Variants in ATP8B3 observed in about 807,000 individuals in gnomAD.
ATP8B3 encodes ATPase phospholipid transporting 8B3.
A neutral mutation model predicts 140.9 loss-of-function variants in ATP8B3; 141 were observed. That is an observed-to-expected ratio of 1.00 (90% CI 0.87 to 1.15). The LOEUF is 1.15. Ranked by LOEUF, ATP8B3 falls within the 50% of genes most tolerant of loss-of-function variation. The pLI, the probability that ATP8B3 is intolerant of heterozygous loss-of-function variation, is 0.00. For missense variants in ATP8B3, 1,874 were observed against 1,740.6 expected, an observed-to-expected ratio of 1.08 and a Z score of -1.36; for synonymous variants, 765 against 714.6, an observed-to-expected ratio of 1.07 and a Z score of -1.13.
At chr19:1,802,714 T>C in intron 10 of ATP8B3, 69 bp from the exon 11 acceptor site, 23 of 1,533,478 alleles carry the variant, frequency 1.5e-5, no homozygotes, top group Non-Finnish European at 2.0e-5. Context: ...CTGCACCGGG[T>C]GCAGGTGAGA....
In ATP8B3 at chr19:1,806,741, G is replaced by A. The variant is rs2069035150; in HGVS notation, c.616-52C>T. The A allele has an allele frequency of 7.8e-6, 12 of 1,536,192 alleles. No individual in the cohort carries two copies. Among genetic ancestry groups the A allele is most frequent in the East Asian group, 4.9e-5 (2 of 40,824 alleles). ...AGACCGTCCAGCCTCTCCTGCCCCC[G>A]CCCAGGCCGCTGCCGCACTGCAGCC... On this transcript the variant is annotated intron_variant, in intron 6 of 28. Transcript: ENST00000310127. This position sits in a 1 kb window ranked among gnomAD's most constrained non-coding sequence, Gnocchi z 5.6.
chr19:1,800,332 C>T lies in ATP8B3; in HGVS notation c.1270G>A (p.Ala424Thr), dbSNP rs115821228. The T allele has an allele frequency of 1.6e-4, 265 of 1,612,894 alleles. No individual in the cohort carries two copies. The highest frequency in any genetic ancestry group is 8.5e-4 in the Admixed American group (51 of 59,996). The change falls in exon 13 of 29, where the codon GCA becomes ACA. Residue 424 changes from alanine (A) to threonine (T), a missense_variant. Physicochemically the swap from Ala to Thr is moderately conservative, Grantham distance 58. Transcript: ENST00000310127. This position sits in a 1 kb window ranked among gnomAD's most constrained non-coding sequence, Gnocchi z 4.4. ...LSGVHGSSVAAESFFVFWSFL... is the reference protein window; with the variant it reads ...LSGVHGSSVATESFFVFWSFL... ...CTCCAGAAGACGAAGAAGGACTCTGCGGCCACGCTGCTCCCATGCACCCCC... is the reference window on the plus strand; with the variant it reads ...CTCCAGAAGACGAAGAAGGACTCTGTGGCCACGCTGCTCCCATGCACCCCC...
rs1285010733 is a variant in ATP8B3, at chr19:1,809,762, G to A, written c.311-28C>T. The A allele has an allele frequency of 5.1e-6, 8 of 1,574,360 alleles. No homozygotes were observed. The South Asian group carries it at 9.2e-5, about 18-fold the overall frequency. ...GCAGCGAGAGAGCCGGGCGTCGCTGGAGCTCGAGGCCCAGGACAAACACCC... is the reference window on the plus strand; with the variant it reads ...GCAGCGAGAGAGCCGGGCGTCGCTGAAGCTCGAGGCCCAGGACAAACACCC... On this transcript the variant is annotated intron_variant, in intron 3 of 28. Transcript: ENST00000310127.
chr19:1,805,408 T>G lies in ATP8B3; in HGVS notation c.870A>C (p.Glu290Asp), dbSNP rs947492008. ...ACGCCATCTTCTTTATAGTGGCCAGTTCTTTGTGGGTGACCATCAGGGCCT... is the reference window on the plus strand; with the variant it reads ...ACGCCATCTTCTTTATAGTGGCCAGGTCTTTGTGGGTGACCATCAGGGCCT... ...FRQALMVTHK[E>D]LATIKKMASF... The change falls in exon 10 of 29, where the codon GAA (glutamate) becomes GAC (aspartate). Residue 290 changes from glutamate to aspartate, a missense_variant. Coordinates refer to ENST00000310127, the MANE Select transcript of ATP8B3 (RefSeq NM_138813.4). The surrounding 1 kb of genome is among the most constrained non-coding windows in gnomAD (Gnocchi z 5.2). 6.4e-6 allele frequency: 10 copies of G among 1,568,288 alleles called. No individual in the cohort carries two copies. Among genetic ancestry groups the G allele is most frequent in the Non-Finnish European group, 8.7e-6 (10 of 1,154,434 alleles).
In ATP8B3 at chr19:1,808,273, C is replaced by G. The variant is rs1196726954; in HGVS notation, c.465G>C (p.Glu155Asp). The G allele has an allele frequency of 1.9e-6, 3 of 1,613,072 alleles. No individual in the cohort carries two copies. Among genetic ancestry groups the G allele is most frequent in the Non-Finnish European group, 2.5e-6 (3 of 1,179,630 alleles). ...ACAGGTTGGACACGCGGTGGAACTG[C>G]TCGTACAGGTTCAGCGGCAGGAACG... ...FYSFLPLNLY[E>D]QFHRVSNLFF... is the part of the protein sequence containing the mutation. The change falls in exon 5 of 29, where the codon GAG becomes GAC. Residue 155 changes from glutamate (E) to aspartate (D), a missense_variant. By Grantham distance (45) the Glu-to-Asp change is conservative. Transcript: ENST00000310127.
In ATP8B3 at chr19:1,790,114, C is replaced by G; in HGVS notation, c.2379-125G>C. On this transcript the variant is annotated intron_variant, in intron 21 of 28. Transcript: ENST00000310127. ...CCCCACCCCTGCCCCTTCTCCTCCC[C>G]ACTTCCCTCTTCCCCTCCCCTTTCC... 6 of 675,072 alleles carry G rather than the reference C, an allele frequency of 8.9e-6. No homozygotes were observed. In the South Asian group the frequency reaches 1.0e-4, roughly 12 times the overall value. The allele number at this position is 675,072 out of a possible 1,614,324, so 41.8% of individuals were successfully genotyped here.
Position 1,789,541 on chromosome 19 carries a change from G to A in ATP8B3, c.2665C>T (p.Arg889Cys), listed in dbSNP as rs935509808. Residue 889 changes from arginine (R) to cysteine (C), a missense_variant, in exon 23 of 29, where the codon CGT becomes TGT. Physicochemically the swap from Arg to Cys is radical, Grantham distance 180 (BLOSUM62 -3). Transcript: ENST00000310127. ...CGCTCCTGCAGCACCTCGGAGCTAC[G>A]GCGGGCTCTGGAGTCCTGGGCTGGC... The part of the protein sequence containing the change: ...APPAQDSRAR[R>C]SSEVLQERAF... The A allele has an allele frequency of 2.5e-6, 4 of 1,596,848 alleles. No homozygotes were observed. Among genetic ancestry groups the A allele is most frequent in the South Asian group, 2.2e-5 (2 of 90,512 alleles).
Position 1,808,322 on chromosome 19 carries a change from C to A in ATP8B3, c.416G>T (p.Arg139Leu). The change falls in exon 5 of 29, where the codon CGC (arginine) becomes CTC (leucine). Residue 139 changes from arginine (R) to leucine (L), a missense_variant. Around this residue, in one of 3 missense-constraint regions of ATP8B3, gnomAD observed 1,032 missense variants for 963.6 expected, o/e 1.07. Transcript: ENST00000310127. ...QRKKYKTNVI[R>L]TAKYNFYSFL... ...CGAGTAGAAGTTGTACTTGGCCGTG[C>A]GGATGACATTGGTCTGGAACGAGAG... The A allele has an allele frequency of 6.2e-7, 1 of 1,611,842 alleles. No homozygotes were observed. Among genetic ancestry groups the A allele is most frequent in the Non-Finnish European group, 8.5e-7 (1 of 1,178,998 alleles).
rs2069131479 is a variant in ATP8B3, at chr19:1,809,668, A to G, written c.377T>C (p.Leu126Pro). The change falls in exon 4 of 29, where the codon CTG becomes CCG. Residue 126 changes from leucine to proline, a missense_variant. Physicochemically the swap from Leu to Pro is moderately conservative, Grantham distance 98. This residue lies in a region of ATP8B3 where 1,032 missense variants were observed against 963.6 expected (regional missense o/e 1.07). Transcript: ENST00000310127. ...CTTGTATTTCTTCCTTTGCCAGCACAGGATCACCTTCTCCTTGAACTGCCC... is the reference window on the plus strand; with the variant it reads ...CTTGTATTTCTTCCTTTGCCAGCACGGGATCACCTTCTCCTTGAACTGCCC... ...YNGQFKEKVI[L>P]CWQRKKYKTN... 1 of 1,610,772 alleles carries G rather than the reference A, an allele frequency of 6.2e-7. No individual in the cohort carries two copies. Among genetic ancestry groups the G allele is most frequent in the Non-Finnish European group, 8.5e-7 (1 of 1,178,858 alleles).
rs77800851 is a variant in ATP8B3, at chr19:1,794,852, C to T, written c.2055+1023G>A. On this transcript the variant is annotated intron_variant, in intron 18 of 28. Transcript: ENST00000310127. This position sits in a 1 kb window ranked among gnomAD's most constrained non-coding sequence, Gnocchi z 4.8. ...ACAGAAAAAGCCTCAAATCCTGGGC[C>T]GAGGAGTTCGGGCTTCCCCCACAGA... Among the ~76,000 whole-genome samples, 2,902 of 152,200 alleles carry T rather than the reference C, an allele frequency of 0.019. 83 individuals are homozygous for T. Among genetic ancestry groups the T allele is most frequent in the African/African-American group, 0.065 (2,684 of 41,510 alleles).
At chr19:1,785,106 T>A (rs915206733) in intron 27 of ATP8B3, 53 bp downstream of exon 27, 23 of 1,491,706 alleles carry the variant, frequency 1.5e-5, no homozygotes, top group Non-Finnish European at 1.7e-5. Flanking sequence ...ACCTCTTCCA[T>A]CGGGGCTCCC....
intron 5 of ATP8B3, 31 bp downstream of exon 5, chr19:1,808,191 G>A (rs2069084409): frequency 1.3e-6 from 2 of 1,543,586 alleles, no homozygotes; most frequent in Non-Finnish European, 1.8e-6. Context: ...GTGGCTAGGG[G>A]GGACTTCCTG....
At chr19:1,783,292 A>G in intron 28 of ATP8B3, 22 bp from the exon 29 acceptor site, 1 of 1,599,520 alleles carries the variant, frequency 6.3e-7, no homozygotes, top group East Asian at 2.2e-5. Flanking sequence ...AGGGGAGAGC[A>G]GGGGAAGCAG....
intron 18 of ATP8B3, among the ~76,000 whole-genome samples, chr19:1,793,729 T>TTTA (rs1373580629): frequency 6.7e-6 from 1 of 150,084 alleles, no homozygotes; most frequent in Admixed American, 6.6e-5. Context: ...CTCAAATTTG[T>TTTA]TTATTTATTT....
chr19:1,806,513 A>G lies in ATP8B3; in HGVS notation c.677+115T>C. 6.6e-7 allele frequency: 1 copy of G among 1,506,668 alleles called. No homozygotes were observed. The highest frequency in any genetic ancestry group is 2.1e-5 in the Admixed American group (1 of 48,082). The allele number at this position is 1,506,668 out of a possible 1,614,324, so 93.3% of individuals were successfully genotyped here. The stretch of plus-strand genomic sequence containing the variant: ...GCAGGCCCGGTTCCTGTCGGACTCA[A>G]CCAGCCGGGAGATCAGGGAGCACGG... On this transcript the variant is annotated intron_variant, in intron 7 of 28. Transcript: ENST00000310127. The surrounding 1 kb of genome is among the most constrained non-coding windows in gnomAD (Gnocchi z 5.6).
At chr19:1,793,355 A>G (rs1399986014) in intron 18 of ATP8B3, among the ~76,000 whole-genome samples, 1 of 152,138 alleles carries the variant, frequency 6.6e-6, no homozygotes, top group Admixed American at 6.5e-5. Context: ...TGCACACCTG[A>G]GCCTCAAAAC....
At chr19:1,785,404 TC>T (rs759355886) in intron 26 of ATP8B3, 64 bp downstream of exon 26, 1 of 1,574,018 alleles carries the variant, frequency 6.4e-7, no homozygotes, top group East Asian at 2.3e-5. Context: ...AAAGCAGGGG[TC>T]CCCAGGGGAG....
Position 1,805,997 on chromosome 19 carries a change from C to G in ATP8B3, c.751-39G>C, listed in dbSNP as rs79789866. Reference sequence around the variant, plus strand: ...GGGGGCAGCGTTGCAAGAGGGGATGCAAGACAAATTGGGGGTGCGGCAGCC... The same window carrying G: ...GGGGGCAGCGTTGCAAGAGGGGATGGAAGACAAATTGGGGGTGCGGCAGCC... On this transcript the variant is annotated intron_variant, in intron 8 of 28. Coordinates refer to ENST00000310127, the MANE Select transcript of ATP8B3 (RefSeq NM_138813.4). The surrounding 1 kb of genome is among the most constrained non-coding windows in gnomAD (Gnocchi z 5.2). 3,479 of 1,610,512 alleles carry G rather than the reference C, an allele frequency of 2.2e-3. 57 individuals are homozygous for G. The African/African-American group carries it at 0.038, about 18-fold the overall frequency.
At chr19:1,801,867 A>T in intron 12 of ATP8B3, 89 bp downstream of exon 12, 4 of 1,008,898 alleles carry the variant, frequency 4.0e-6, no homozygotes, top group Non-Finnish European at 6.1e-6. Flanking sequence ...CACATTTTGC[A>T]GAAGAAGGAA....
Sources: allele counts gnomAD v4.1 joint callset (sites outside exome capture counted in the v4.1 genomes callset), GRCh38; gene constraint gnomAD v4.1.1; regional missense constraint gnomAD v4.1.1; non-coding constraint Gnocchi (gnomAD v3.1); transcripts MANE v1.5; gene names NCBI Gene and HGNC (gene_info 2026-07-23, HGNC 2026-07-21).